LEO1: variants seen among roughly 807,000 people sequenced by gnomAD.
LEO1 encodes RNA polymerase-associated protein LEO1.
In LEO1, 34 loss-of-function variants were observed where a neutral mutation model predicts 80.4. The ratio of observed to expected loss-of-function variants is 0.42; its 90% CI spans 0.32 to 0.56. LEO1 has a LOEUF of 0.56. LEO1 is among the 20% of genes least tolerant of loss of function. LEO1 has a pLI of 0.10. For missense variants in LEO1, 631 were observed against 814.2 expected (o/e 0.77, Z 2.74); for synonymous variants, 262 against 274.9 (o/e 0.95, Z 0.46).
At chr15:51,940,485 C>T (rs1414686903) in intron 11 of LEO1, among the ~76,000 whole-genome samples, 7 of 151,342 alleles carry the variant, frequency 4.6e-5, no homozygotes, top group East Asian at 2.0e-4. Flanking sequence ...TGCTTAAACC[C>T]GGGAGATGGA....
chr15:51,939,884 C>A (rs1319385867), intron 11 of LEO1, among the ~76,000 whole-genome samples: 1 of 152,106 alleles, frequency 6.6e-6, no homozygotes, highest in Admixed American at 6.5e-5. Context: ...GGCCAGGGCT[C>A]TCCCAAAGAA....
At chr15:51,949,154 T>C (rs1166678772) in intron 10 of LEO1, among the ~76,000 whole-genome samples, 4 of 152,138 alleles carry the variant, frequency 2.6e-5, no homozygotes, top group East Asian at 3.8e-4. Flanking sequence ...GGAGGAAATA[T>C]GCAAAAGTAA....
intron 11 of LEO1, among the ~76,000 whole-genome samples, chr15:51,942,628 G>T (rs970773542): frequency 6.6e-6 from 1 of 152,042 alleles, no homozygotes; most frequent in Non-Finnish European, 1.5e-5. Context: ...GCAGAACAAT[G>T]AAACAAATTT....
At chr15:51,950,055 C>A (rs1370150471) in intron 9 of LEO1, 61 bp from the exon 10 acceptor site, 5 of 1,387,114 alleles carry the variant, frequency 3.6e-6, no homozygotes, top group Non-Finnish European at 4.9e-6. Flanking sequence ...CCCACTTGAA[C>A]CCACTTTTAT....
chr15:51,961,782 C>T (rs969681091), intron 3 of LEO1, among the ~76,000 whole-genome samples: 1 of 151,818 alleles, frequency 6.6e-6, no homozygotes. Context: ...AACAAAACAC[C>T]GAGACTGTCA....
chr15:51,958,029 A>G (rs1270258968), intron 6 of LEO1, among the ~76,000 whole-genome samples: 1 of 150,182 alleles, frequency 6.7e-6, no homozygotes, highest in Admixed American at 6.7e-5. Context: ...TCAAAAAAAA[A>G]TATATAAATA....
chr15:51,960,381 A>G (rs1053867480), intron 4 of LEO1, among the ~76,000 whole-genome samples: 3 of 152,188 alleles, frequency 2.0e-5, no homozygotes, highest in Admixed American at 2.0e-4. Flanking sequence ...AGCAAGAAAA[A>G]CATTCAAGTC....
chr15:51,962,272 AC>A, intron 3 of LEO1, 116 bp downstream of exon 3: 1 of 591,026 alleles, frequency 1.7e-6, no homozygotes, highest in Non-Finnish European at 2.9e-6. Flanking sequence ...GCGTATCCAC[AC>A]TCTTATTCTG....
At chr15:51,951,068 C>T (rs2056944882) in intron 9 of LEO1, among the ~76,000 whole-genome samples, 1 of 152,224 alleles carries the variant, frequency 6.6e-6, no homozygotes, top group Admixed American at 6.5e-5. Flanking sequence ...GGGCTCAGAG[C>T]CAAACCTTCA....
intron 8 of LEO1, 92 bp from the exon 9 acceptor site, chr15:51,952,071 C>T (rs981591933): frequency 4.6e-5 from 52 of 1,142,530 alleles, no homozygotes; most frequent in Non-Finnish European, 6.2e-5. Context: ...AGCCCAGTGA[C>T]CATTTCCTAG....
rs781474982 is a variant in LEO1 at position 51,962,498 on chromosome 15, A to G, written c.815-5T>C. 1 of 1,591,296 alleles carries G rather than the reference A, an allele frequency of 6.3e-7. No homozygotes were observed. Among genetic ancestry groups the G allele is most frequent in the East Asian group, 2.2e-5 (1 of 44,742 alleles). On this transcript the variant is annotated splice_region_variant and splice_polypyrimidine_tract_variant and intron_variant, in intron 2 of 11. Coordinates refer to ENST00000299601, the MANE Select transcript of LEO1 (RefSeq NM_138792.4). ...TATCACTGCCTCTTGCAGATTCTAT[A>G]AGGGTAGAATTAGAAGTTCTGCATA... is the stretch of plus-strand genomic sequence containing the variant.
intron 11 of LEO1, among the ~76,000 whole-genome samples, chr15:51,941,027 C>T (rs560292453): frequency 8.5e-5 from 13 of 152,048 alleles, no homozygotes; most frequent in Admixed American, 2.0e-4. Flanking sequence ...GAGCTGAGAT[C>T]GCGGCGCTGC....
At chr15:51,967,174 T>A (rs1000060306) in intron 1 of LEO1, among the ~76,000 whole-genome samples, 16 of 151,988 alleles carry the variant, frequency 1.1e-4, no homozygotes, top group Non-Finnish European at 2.4e-4. Context: ...AGAAAAAGAT[T>A]CTTAAATAAT....
intron 11 of LEO1, among the ~76,000 whole-genome samples, chr15:51,946,500 T>C (rs1003570728): frequency 6.6e-6 from 1 of 152,108 alleles, no homozygotes; most frequent in Non-Finnish European, 1.5e-5. Flanking sequence ...CCCGGCCAAA[T>C]ACTGTTTCAT....
rs1158578064 is a variant in LEO1 at position 51,953,076 on chromosome 15, A to C, written c.1475+53T>G. The C allele has an allele frequency of 3.4e-6, 5 of 1,492,194 alleles. No individual in the cohort carries two copies. The East Asian group carries it at 1.1e-4, about 34-fold the overall frequency. The allele number at this position is 1,492,194 out of a possible 1,614,324, so 92.4% of individuals were successfully genotyped here. A position where few individuals can be genotyped will look rare whatever the true frequency, so the allele number is the denominator to read the frequency against. The stretch of plus-strand genomic sequence containing the variant: ...GGTGGCAGGCATTACAGAAACATCT[A>C]TGTTTCACTGCTTTTACCATAAGAA... On this transcript the variant is annotated intron_variant, in intron 8 of 11. Transcript: ENST00000299601.
chr15:51,967,824 G>C (rs1297691120), intron 1 of LEO1, among the ~76,000 whole-genome samples: 1 of 152,208 alleles, frequency 6.6e-6, no homozygotes, highest in Non-Finnish European at 1.5e-5. Flanking sequence ...AGACGATATG[G>C]AAGACAAAAG....
chr15:51,961,541 C>T (rs1013178846), intron 3 of LEO1, among the ~76,000 whole-genome samples: 1 of 151,952 alleles, frequency 6.6e-6, no homozygotes, highest in Non-Finnish European at 1.5e-5. Context: ...TACAGATGCA[C>T]ACCACCTCGC....
chr15:51,950,030 G>A (rs1390220692), intron 9 of LEO1, 36 bp from the exon 10 acceptor site: 9 of 1,561,062 alleles, frequency 5.8e-6, no homozygotes, highest in Non-Finnish European at 7.8e-6. Flanking sequence ...AACCTAAAAA[G>A]GAGCTACTTT....
chr15:51,949,521 G>A (rs1324048032), intron 10 of LEO1, among the ~76,000 whole-genome samples: 2 of 152,040 alleles, frequency 1.3e-5, no homozygotes, highest in Non-Finnish European at 2.9e-5. Flanking sequence ...CCAACATGGT[G>A]AAACCCCGTC....
Sources: gnomAD v4.1 joint callset for allele counts (sites outside exome capture counted in the v4.1 genomes callset) on GRCh38, gnomAD v4.1.1 for gene constraint, MANE v1.5 for transcripts, NCBI Gene and HGNC (gene_info 2026-07-23, HGNC 2026-07-21) for gene names.